TMX2: variants seen among roughly 807,000 people sequenced by gnomAD.
TMX2 encodes thioredoxin related transmembrane protein 2.
In TMX2, 20 loss-of-function variants were observed where a neutral mutation model predicts 33.4. The observed-to-expected ratio is 0.60, with a 90% confidence interval of 0.42 to 0.87. The LOEUF (loss-of-function observed/expected upper bound fraction) is 0.87. Ranked by LOEUF, TMX2 falls within the 40% of genes least tolerant of loss-of-function variation. The pLI is 0.00. For missense variants in TMX2, 340 were observed against 370.7 expected (o/e 0.92, Z 0.68); for synonymous variants, 166 against 140.7 (o/e 1.18, Z -1.27).
At chr11:57,738,852 T>C (rs1948910258) in intron 5 of TMX2, 82 bp downstream of exon 5, 2 of 1,548,880 alleles carry the variant, frequency 1.3e-6, no homozygotes, top group East Asian at 4.5e-5. Context: ...CTTTTTCTTT[T>C]GGCCTTGATT....
intron 1 of TMX2, chr11:57,717,990 A>T: frequency 1.3e-6 from 1 of 765,458 alleles, no homozygotes; most frequent in Non-Finnish European, 2.3e-6. Flanking sequence ...TCCTGAGAGG[A>T]GAGCACAGAA....
At chr11:57,715,963 A>C (rs549230711) in intron 1 of TMX2, among the ~76,000 whole-genome samples, 13 of 152,264 alleles carry the variant, frequency 8.5e-5, no homozygotes, top group African/African-American at 3.1e-4. Context: ...ACAAAATGAA[A>C]AGTTTCCCGT....
intron 1 of TMX2, among the ~76,000 whole-genome samples, chr11:57,723,900 T>A (rs2911727): frequency 0.41 from 61,291 of 149,514 alleles, 13,055 homozygotes; most frequent in Middle Eastern, 0.48. Flanking sequence ...TTTTTTTTTT[T>A]AAAAAGGAAA....
intron 1 of TMX2, among the ~76,000 whole-genome samples, chr11:57,725,957 C>T (rs887041460): frequency 6.6e-6 from 1 of 151,988 alleles, no homozygotes; most frequent in African/African-American, 2.4e-5. Flanking sequence ...GGGTATAATA[C>T]TCCAAATTAT....
In TMX2 at chr11:57,740,670, C is replaced by A; in HGVS notation, c.*425C>A. 6.3e-6 allele frequency: 1 copy of A among 159,040 alleles called. No individual in the cohort carries two copies. The highest frequency in any genetic ancestry group is 1.8e-4 in the South Asian group (1 of 5,502). The allele number at this position is 159,040 out of a possible 1,614,324, so 9.9% of individuals were successfully genotyped here. ...GGGTATAGAACGCTAAGAATTTTCC[C>A]CCAAGGACTCTTGCTTCCTTAAGCC... On this transcript the variant is annotated 3_prime_UTR_variant, in exon 8 of 8. Transcript: ENST00000278422.
intron 1 of TMX2, among the ~76,000 whole-genome samples, chr11:57,715,425 A>T (rs938111959): frequency 6.7e-5 from 10 of 150,014 alleles, no homozygotes; most frequent in East Asian, 1.9e-4. Context: ...AAATAAAATT[A>T]AAAAAATATA....
At chr11:57,712,911 C>G (rs957407735) in intron 1 of TMX2, 104 bp downstream of exon 1, 15 of 1,271,346 alleles carry the variant, frequency 1.2e-5, no homozygotes, top group East Asian at 7.3e-5. Flanking sequence ...CCTGAGGTTC[C>G]GAGCCTGTAG....
intron 1 of TMX2, among the ~76,000 whole-genome samples, chr11:57,716,663 G>A (rs1480358415): frequency 4.3e-5 from 6 of 140,226 alleles, no homozygotes; most frequent in Non-Finnish European, 7.8e-5. Flanking sequence ...CGAGCGGGGG[G>A]CTGACCCCCC....
chr11:57,738,506 A>G (rs1159383743), intron 4 of TMX2, 76 bp downstream of exon 4: 1 of 1,287,682 alleles, frequency 7.8e-7, no homozygotes, highest in African/African-American at 1.5e-5. Context: ...ATTCACTAGG[A>G]GGAACAACAG....
chr11:57,739,956 TAAA>T, intron 7 of TMX2, 140 bp from the exon 8 acceptor site: 1 of 1,137,784 alleles, frequency 8.8e-7, no homozygotes, highest in Non-Finnish European at 1.2e-6. Flanking sequence ...TCTGGGTACC[TAAA>T]AAAGAGGAAG....
At chr11:57,729,335 G>A (rs1184062586) in intron 1 of TMX2, among the ~76,000 whole-genome samples, 1 of 151,472 alleles carries the variant, frequency 6.6e-6, no homozygotes, top group Admixed American at 6.6e-5. Flanking sequence ...TTTTTTTTCT[G>A]CCTGCTTTAG....
At chr11:57,723,899 T>A (rs2911728) in intron 1 of TMX2, among the ~76,000 whole-genome samples, 60,686 of 149,716 alleles carry the variant, frequency 0.41, 12,805 homozygotes, top group Middle Eastern at 0.47. Context: ...TTTTTTTTTT[T>A]TAAAAAGGAA....
intron 1 of TMX2, chr11:57,718,418 A>G (rs1430824105): frequency 2.3e-6 from 3 of 1,307,756 alleles, no homozygotes; most frequent in Non-Finnish European, 3.3e-6. Flanking sequence ...TCCAGTGCTC[A>G]GAGCACGAAA....
At position 57,738,361 on chromosome 11, in the gene TMX2, G is replaced by A; in HGVS notation, c.372G>A (p.Leu124=). 1 of 1,607,664 alleles carries A rather than the reference G, an allele frequency of 6.2e-7. No homozygotes were observed. The highest frequency in any genetic ancestry group is 8.5e-7 in the Non-Finnish European group (1 of 1,174,304). The part of the protein sequence containing the change: ...LLYITLCIVF[L]MTCKPPLYMG... ...TCTTCTTTCTGTATTTAGTGTTCCT[G>A]ATGACGTGCAAACCCCCCCTATATA... is the stretch of plus-strand genomic sequence containing the variant. The change falls in exon 4 of 8, where the codon CTG becomes CTA. Residue 124 remains leucine, a synonymous_variant. Transcript: ENST00000278422.
At chr11:57,739,415 T>TA (rs539779336) in intron 7 of TMX2, among the ~76,000 whole-genome samples, 155 bp downstream of exon 7, 219 of 152,280 alleles carry the variant, frequency 1.4e-3, no homozygotes, top group Non-Finnish European at 2.6e-3. Context: ...ATTTAGCAAA[T>TA]ATATATTATG....
intron 4 of TMX2, 101 bp from the exon 5 acceptor site, chr11:57,738,562 CG>C (rs1707455710): frequency 4.0e-6 from 5 of 1,247,126 alleles, no homozygotes; most frequent in Admixed American, 3.4e-5. Flanking sequence ...TTATGAGAGC[CG>C]GGGGAGAGGG....
intron 1 of TMX2, among the ~76,000 whole-genome samples, chr11:57,727,044 A>G (rs545803735): frequency 2.0e-5 from 3 of 152,260 alleles, no homozygotes; most frequent in South Asian, 4.1e-4. Flanking sequence ...TCTTTATGAT[A>G]TTTGTTATTA....
Position 57,739,172 on chromosome 11 carries a change from C to G in TMX2, c.656C>G (p.Thr219Ser). 6.2e-7 allele frequency: 1 copy of G among 1,614,132 alleles called. No homozygotes were observed. The highest frequency in any genetic ancestry group is 1.1e-5 in the South Asian group (1 of 91,082). ...TCACCCCTCACCAAGCAACTCCCTA[C>G]CCTGATCCTGTTCCAAGGTGGCAAG... ...STSPLTKQLP[T>S]LILFQGGKEA... The change falls in exon 7 of 8, where the codon ACC becomes AGC. Residue 219 changes from threonine to serine, a missense_variant. This residue lies in a region of TMX2 where 209 missense variants were observed against 241.6 expected (regional missense o/e 0.87). Transcript: ENST00000278422.
intron 1 of TMX2, among the ~76,000 whole-genome samples, chr11:57,723,729 G>A (rs1415279909): frequency 6.6e-6 from 1 of 151,440 alleles, no homozygotes; most frequent in Non-Finnish European, 1.5e-5. Context: ...CTTGAACCCA[G>A]CAGGCGGAGG....
Sources: gnomAD v4.1 joint callset for allele counts (sites outside exome capture counted in the v4.1 genomes callset) on GRCh38, gnomAD v4.1.1 for gene constraint, gnomAD v4.1.1 regional missense constraint, MANE v1.5 for transcripts, NCBI Gene and HGNC (gene_info 2026-07-23, HGNC 2026-07-21) for gene names.